The following RASGRF2 variants were observed in gnomAD, a reference collection of about 807,000 sequenced individuals.
The protein encoded by RASGRF2 is Ras protein specific guanine nucleotide releasing factor 2, also known as ras-specific guanine nucleotide-releasing factor 2.
Under a neutral mutation model 151.0 loss-of-function variants are expected in RASGRF2, and 76 were observed. That is an observed-to-expected ratio of 0.50 (90% CI 0.42 to 0.61). The LOEUF (loss-of-function observed/expected upper bound fraction) is 0.61. Among genes scored for constraint, RASGRF2 ranks in the 20% least tolerant of loss-of-function variants. The probability of loss-of-function intolerance (pLI) is 0.00; values close to 1 mark genes in which losing one functional copy is unlikely to be tolerated. For missense variants in RASGRF2, 1,148 were observed against 1,564.6 expected, an observed-to-expected ratio of 0.73 and a Z score of 4.49; for synonymous variants, 504 against 566.5, an observed-to-expected ratio of 0.89 and a Z score of 1.57.
intron 12 of RASGRF2, among the ~76,000 whole-genome samples, chr5:81,096,797 A>T (rs1034445724): frequency 1.3e-5 from 2 of 152,054 alleles, no homozygotes; most frequent in African/African-American, 4.8e-5. Context: ...CCCTCTGCTT[A>T]TACTAGATGT....
chr5:81,195,070 A>T (rs1755233079), intron 18 of RASGRF2, among the ~76,000 whole-genome samples: 1 of 152,238 alleles, frequency 6.6e-6, no homozygotes, highest in Admixed American at 6.5e-5. Flanking sequence ...TAACTTCAAT[A>T]AGTACCTCGG....
intron 1 of RASGRF2, 65 bp downstream of exon 1, chr5:80,961,091 C>T (rs991557356): frequency 3.5e-5 from 48 of 1,380,774 alleles, no homozygotes; most frequent in Non-Finnish European, 4.3e-5. Context: ...CCGTCCTAAT[C>T]CGGGGATCAG....
intron 1 of RASGRF2, among the ~76,000 whole-genome samples, chr5:81,019,099 C>T (rs570000719): frequency 2.6e-5 from 4 of 152,330 alleles, no homozygotes; most frequent in East Asian, 3.9e-4. Flanking sequence ...CTGCGCCTGG[C>T]GCATCTGCAC....
chr5:81,007,730 C>G lies in RASGRF2; in HGVS notation c.289-35147C>G, dbSNP rs1476520517. 2.6e-5 allele frequency among the ~76,000 whole-genome samples: 4 copies of G among 152,170 alleles called. No homozygotes were observed. The South Asian group carries it at 8.3e-4, about 32-fold the overall frequency. ...CCCTCCACGATAACTGCTTGACTTGCTCACCTAATCGCAGGTGCAACTGAG... is the reference window on the plus strand; with the variant it reads ...CCCTCCACGATAACTGCTTGACTTGGTCACCTAATCGCAGGTGCAACTGAG... On this transcript the variant is annotated intron_variant, in intron 1 of 26. Transcript: ENST00000265080.
intron 17 of RASGRF2, among the ~76,000 whole-genome samples, chr5:81,134,763 C>T (rs1251218676): frequency 6.6e-6 from 1 of 152,150 alleles, no homozygotes; most frequent in Non-Finnish European, 1.5e-5. Flanking sequence ...GCACTAAGTA[C>T]AACTCAACCT....
chr5:81,018,157 G>C (rs1156923069), intron 1 of RASGRF2, among the ~76,000 whole-genome samples: 1 of 151,952 alleles, frequency 6.6e-6, no homozygotes, highest in Non-Finnish European at 1.5e-5. Flanking sequence ...AAAGACTCTA[G>C]GCTTTTCTTC....
chr5:81,123,372 C>T (rs1372124479), intron 15 of RASGRF2, among the ~76,000 whole-genome samples: 1 of 152,164 alleles, frequency 6.6e-6, no homozygotes, highest in African/African-American at 2.4e-5. Context: ...ACCACATACC[C>T]CCGTTTACTT....
At chr5:80,987,308 T>C (rs401758) in intron 1 of RASGRF2, among the ~76,000 whole-genome samples, 110,013 of 152,054 alleles carry the variant, frequency 0.72, 39,830 homozygotes, top group East Asian at 0.79. Flanking sequence ...GACTTGGTTC[T>C]CACTGGATTA....
intron 18 of RASGRF2, among the ~76,000 whole-genome samples, chr5:81,192,090 A>G (rs1318850348): frequency 6.6e-6 from 1 of 152,158 alleles, no homozygotes; most frequent in Non-Finnish European, 1.5e-5. Context: ...AAAGTCAAGT[A>G]TTCTCCCCCA....
At chr5:80,972,995 G>A (rs1391943171) in intron 1 of RASGRF2, among the ~76,000 whole-genome samples, 1 of 152,098 alleles carries the variant, frequency 6.6e-6, no homozygotes, top group Non-Finnish European at 1.5e-5. Context: ...TCCTGCTGTG[G>A]TTTGCCTTTC....
chr5:80,968,161 T>C (rs1747782531), intron 1 of RASGRF2, among the ~76,000 whole-genome samples: 1 of 152,282 alleles, frequency 6.6e-6, no homozygotes, highest in South Asian at 2.1e-4. Context: ...CTAGCATTTT[T>C]ATTACTCTCT....
rs192159568 is a variant in RASGRF2, at chr5:81,038,252, T to G, written c.289-4625T>G. Among the ~76,000 whole-genome samples, 20 of 152,322 alleles carry G rather than the reference T, an allele frequency of 1.3e-4. No individual in the cohort carries two copies. The East Asian group carries it at 3.7e-3, about 28-fold the overall frequency. ...GTGATATTGCTAAGGTGAGAGGATA[T>G]GTGCATCATCAGCTTTGCCAGGTTT... On this transcript the variant is annotated intron_variant, in intron 1 of 26. Transcript: ENST00000265080.
intron 16 of RASGRF2, among the ~76,000 whole-genome samples, chr5:81,125,203 A>G (rs1753420013): frequency 6.6e-6 from 1 of 151,928 alleles, no homozygotes; most frequent in African/African-American, 2.4e-5. Flanking sequence ...GGCATTTTTG[A>G]CTCTCATAGG....
chr5:81,040,102 C>T (rs1344313349), intron 1 of RASGRF2, among the ~76,000 whole-genome samples: 3 of 152,146 alleles, frequency 2.0e-5, no homozygotes, highest in African/African-American at 7.2e-5. Flanking sequence ...TTCCTGGGCT[C>T]AAGCAATCCT....
chr5:81,185,159 G>C (rs968667397), intron 18 of RASGRF2, among the ~76,000 whole-genome samples: 2 of 152,178 alleles, frequency 1.3e-5, no homozygotes, highest in Non-Finnish European at 2.9e-5. Context: ...TCAAGGAGAG[G>C]GAGATTTCCA....
At chr5:81,166,491 A>AACTTT (rs1395305455) in intron 17 of RASGRF2, among the ~76,000 whole-genome samples, 1 of 152,150 alleles carries the variant, frequency 6.6e-6, no homozygotes, top group African/African-American at 2.4e-5. Context: ...CCTGGCCGTG[A>AACTTT]ACTTTACTTC....
chr5:81,151,139 G>A (rs1754123857), intron 17 of RASGRF2, among the ~76,000 whole-genome samples: 1 of 152,168 alleles, frequency 6.6e-6, no homozygotes, highest in African/African-American at 2.4e-5. Flanking sequence ...TAAGTATTAG[G>A]TGTCACAAGA....
chr5:81,125,881 A>C (rs26889), intron 16 of RASGRF2, among the ~76,000 whole-genome samples: 63,089 of 152,132 alleles, frequency 0.41, 14,836 homozygotes, highest in African/African-American at 0.64. Context: ...ATATGGAGGA[A>C]CTGAACAAGG....
intron 17 of RASGRF2, among the ~76,000 whole-genome samples, chr5:81,155,429 A>C (rs11955841): frequency 0.017 from 2,624 of 152,328 alleles, 76 homozygotes; most frequent in African/African-American, 0.058. Flanking sequence ...TAAGAAGATC[A>C]ACAAAACTGA....
Sources: gnomAD v4.1 joint callset for allele counts (sites outside exome capture counted in the v4.1 genomes callset) on GRCh38, gnomAD v4.1.1 for gene constraint, MANE v1.5 for transcripts, NCBI Gene and HGNC (gene_info 2026-07-23, HGNC 2026-07-21) for gene names.